The following KIF1A variants were observed in gnomAD, a reference collection of about 807,000 sequenced individuals.
KIF1A encodes kinesin-like protein KIF1A.
Under a neutral mutation model 227.3 loss-of-function variants are expected in KIF1A, and 46 were observed. The ratio of observed to expected loss-of-function variants is 0.20; its 90% CI spans 0.16 to 0.26. KIF1A has a LOEUF of 0.26. KIF1A is among the 10% of genes least tolerant of loss of function. KIF1A has a pLI of 1.00. For missense variants in KIF1A, 1,683 were observed against 2,485.9 expected (o/e 0.68, Z 6.87); for synonymous variants, 1,022 against 1,012.8 (o/e 1.01, Z -0.17).
At chr2:240,771,473 C>T (rs570912943) in intron 14 of KIF1A, among the ~76,000 whole-genome samples, 11 of 152,270 alleles carry the variant, frequency 7.2e-5, no homozygotes, top group Admixed American at 7.2e-4. Flanking sequence ...CCTGCACCCC[C>T]TGCGCCAGGC....
chr2:240,803,284 T>G (rs2126182306), intron 1 of KIF1A, among the ~76,000 whole-genome samples: 1 of 152,320 alleles, frequency 6.6e-6, no homozygotes, highest in Middle Eastern at 3.4e-3. Context: ...CACATAGCCT[T>G]AAAGGCACAG....
At chr2:240,754,776 A>T (rs1249157986) in intron 27 of KIF1A, among the ~76,000 whole-genome samples, 1 of 152,042 alleles carries the variant, frequency 6.6e-6, no homozygotes, top group African/African-American at 2.4e-5. Flanking sequence ...TCTCGGGCCG[A>T]GAGACGCCAT....
chr2:240,814,568 G>A (rs182274432), intron 1 of KIF1A, among the ~76,000 whole-genome samples: 358 of 152,232 alleles, frequency 2.4e-3, no homozygotes, highest in African/African-American at 8.5e-3. Flanking sequence ...CCAATCCAGG[G>A]GACATGGCAA....
chr2:240,769,577 G>A, intron 16 of KIF1A, 50 bp downstream of exon 16: 3 of 1,500,846 alleles, frequency 2.0e-6, no homozygotes, highest in Non-Finnish European at 2.8e-6. Flanking sequence ...CAGGCTCCGG[G>A]CTTGCTGGCT....
Position 240,719,827 on chromosome 2 carries a change from T to C in KIF1A, c.4968A>G (p.Thr1656=). The part of the protein sequence containing the change: ...KLPSPARATE[T]DKEPQRLLVP... Reference sequence around the variant, plus strand: ...CCAGCAGGCGCTGGGGCTCCTTGTCTGTCTCTGTTGCCCGGGCAGGGGAAG... The same window carrying C: ...CCAGCAGGCGCTGGGGCTCCTTGTCCGTCTCTGTTGCCCGGGCAGGGGAAG... Residue 1656 remains threonine (T), a synonymous_variant, in exon 46 of 49, where the codon ACA becomes ACG. Transcript: ENST00000498729. The C allele has an allele frequency of 6.2e-7, 1 of 1,610,934 alleles. No homozygotes were observed. The highest frequency in any genetic ancestry group is 8.5e-7 in the Non-Finnish European group (1 of 1,178,816).
chr2:240,728,540 GC>G (rs1161186510), intron 38 of KIF1A: 9 of 543,638 alleles, frequency 1.7e-5, no homozygotes, highest in Non-Finnish European at 3.0e-5. Context: ...GGATCTCACG[GC>G]CCCCAGGCTC....
At chr2:240,769,469 T>C (rs545644587) in intron 16 of KIF1A, among the ~76,000 whole-genome samples, 158 bp downstream of exon 16, 1 of 152,340 alleles carries the variant, frequency 6.6e-6, no homozygotes, top group Admixed American at 6.5e-5. Context: ...GTGGGGGTCA[T>C]TGGCGATGAG....
chr2:240,754,813 CAG>C (rs1251358225), intron 27 of KIF1A, among the ~76,000 whole-genome samples: 2 of 152,098 alleles, frequency 1.3e-5, no homozygotes, highest in Non-Finnish European at 1.5e-5. Context: ...AATACCAAGA[CAG>C]AGGGGCCCCA....
rs1005610074 is a variant in KIF1A at position 240,778,344 on chromosome 2, C to G, written c.883-2418G>C. Among the ~76,000 whole-genome samples, 2 of 152,036 alleles carry G rather than the reference C, an allele frequency of 1.3e-5. No homozygotes were observed. Among genetic ancestry groups the G allele is most frequent in the African/African-American group, 4.8e-5 (2 of 41,382 alleles). On this transcript the variant is annotated intron_variant, in intron 10 of 48. Transcript: ENST00000498729. This position sits in a 1 kb window ranked among gnomAD's most constrained non-coding sequence, Gnocchi z 7.2. ...GGCGTTCCTCACCATTCTCCACACGCCAGTCCCCACCGTCCCTGACACACT... is the reference window on the plus strand; with the variant it reads ...GGCGTTCCTCACCATTCTCCACACGGCAGTCCCCACCGTCCCTGACACACT...
rs1331395617 is a variant in KIF1A, at chr2:240,778,018, C to G, written c.883-2092G>C. On this transcript the variant is annotated intron_variant, in intron 10 of 48. Transcript: ENST00000498729. This position sits in a 1 kb window ranked among gnomAD's most constrained non-coding sequence, Gnocchi z 7.2. ...AGCTCTCGCCGTTCCCCGCACGGTT[C>G]CCACGCGGCTGCTCGCAGCTCACCA... Among the ~76,000 whole-genome samples the G allele has an allele frequency of 6.6e-6, 1 of 152,210 alleles. No homozygotes were observed. The highest frequency in any genetic ancestry group is 2.4e-5 in the African/African-American group (1 of 41,448).
At chr2:240,720,490 C>T (rs974565285) in intron 45 of KIF1A, 1 of 160,934 alleles carries the variant, frequency 6.2e-6, no homozygotes, top group African/African-American at 2.4e-5. Flanking sequence ...CATCTGCCTG[C>T]TTATGAATTG....
intron 1 of KIF1A, among the ~76,000 whole-genome samples, chr2:240,801,372 C>T (rs1236270692): frequency 6.6e-6 from 1 of 151,378 alleles, no homozygotes; most frequent in African/African-American, 2.4e-5. Context: ...ATTAGGAACT[C>T]AAGAGATAGA....
At chr2:240,756,883 G>A (rs939497611) in intron 27 of KIF1A, among the ~76,000 whole-genome samples, 2 of 152,230 alleles carry the variant, frequency 1.3e-5, no homozygotes, top group African/African-American at 4.8e-5. Flanking sequence ...TGACAGGACG[G>A]GCATCCTGCT....
chr2:240,786,840 T>TCAGGACCCCTGAGTGAGGGGGTGGGG (rs2055002134), intron 5 of KIF1A, among the ~76,000 whole-genome samples: 1 of 48,150 alleles, frequency 2.1e-5, no homozygotes, highest in Admixed American at 1.9e-4. Context: ...GGGGGCTGCC[T>TCAGGACCCCTGAGTGAGGGGGTGGGG]GCTGAGCAGA....
At chr2:240,779,726 T>C (rs1379443632) in intron 10 of KIF1A, among the ~76,000 whole-genome samples, 1 of 151,950 alleles carries the variant, frequency 6.6e-6, no homozygotes, top group African/African-American at 2.4e-5. Context: ...CCTCACTCAG[T>C]TCCTCACAGT....
Position 240,762,729 on chromosome 2 carries a change from G to A in KIF1A, c.2106C>T (p.Pro702=), listed in dbSNP as rs372340696. 4.8e-5 allele frequency: 76 copies of A among 1,590,666 alleles called. 2 individuals carry two copies. In the African/African-American group the frequency reaches 5.1e-4, roughly 11 times the overall value. The change falls in exon 23 of 49, where the codon CCC becomes CCT. Residue 702 remains proline (P), a synonymous_variant. Transcript: ENST00000498729. The part of the protein sequence containing the change: ...YPEVNEEEEE[P]EDEVQWTERE... Reference sequence around the variant, plus strand: ...CCAGTGACCCCTCACCTTCATCCTCGGGCTCCTCCTCCTCCTCGTTCACCT... The same window carrying A: ...CCAGTGACCCCTCACCTTCATCCTCAGGCTCCTCCTCCTCCTCGTTCACCT...
At chr2:240,819,943 A>C (rs2106398133) in intron 1 of KIF1A, among the ~76,000 whole-genome samples, 179 bp downstream of exon 1, 1 of 152,184 alleles carries the variant, frequency 6.6e-6, no homozygotes, top group Non-Finnish European at 1.5e-5. Flanking sequence ...AGATGGAGGA[A>C]GGTCTGGAAG....
At chr2:240,782,278 C>A in intron 10 of KIF1A, 3 of 853,518 alleles carry the variant, frequency 3.5e-6, no homozygotes, top group Non-Finnish European at 4.2e-6. Context: ...CGAGGGGCTC[C>A]TCCGCGCCCC....
chr2:240,810,486 C>A (rs1373485353), intron 1 of KIF1A, among the ~76,000 whole-genome samples: 3 of 152,138 alleles, frequency 2.0e-5, no homozygotes, highest in Non-Finnish European at 4.4e-5. Flanking sequence ...TGAACGGGTG[C>A]CACCACTTTG....
Sources: gnomAD v4.1 joint callset for allele counts (sites outside exome capture counted in the v4.1 genomes callset) on GRCh38, gnomAD v4.1.1 for gene constraint, Gnocchi (gnomAD v3.1) non-coding constraint, MANE v1.5 for transcripts, NCBI Gene and HGNC (gene_info 2026-07-23, HGNC 2026-07-21) for gene names.